SLC25A25: variants seen among roughly 807,000 people sequenced by gnomAD.
The protein encoded by SLC25A25 is solute carrier family 25 member 25.
SLC25A25 carries 32 observed loss-of-function variants against 57.7 expected under a neutral mutation model. That is an observed-to-expected ratio of 0.55 (90% CI 0.42 to 0.74). The LOEUF (loss-of-function observed/expected upper bound fraction) is 0.74, where lower values mean the gene tolerates loss of function less well. SLC25A25 is among the 30% of genes least tolerant of loss of function. SLC25A25 has a pLI of 0.00. For synonymous variants in SLC25A25, 306 were observed against 291.2 expected (o/e 1.05, Z -0.52); for missense variants, 556 against 701.3 (o/e 0.79, Z 2.34).
At chr9:128,071,175 A>C (rs1832900753) in intron 1 of SLC25A25, among the ~76,000 whole-genome samples, 1 of 152,022 alleles carries the variant, frequency 6.6e-6, no homozygotes. Flanking sequence ...TATTGATCCT[A>C]ATCTGTTTTT....
In SLC25A25 at chr9:128,102,681, C is replaced by T. The variant is rs998896987; in HGVS notation, c.624+200C>T. On this transcript the variant is annotated intron_variant, in intron 5 of 10. Coordinates refer to ENST00000373069, the MANE Select transcript of SLC25A25 (RefSeq NM_001330988.2). The surrounding 1 kb of genome is among the most constrained non-coding windows in gnomAD (Gnocchi z 4.1). Reference sequence around the variant, plus strand: ...GGCACTCCAGCCAACCTGAACAGCCCCATCGTTCACACACACAGGCTTCCT... The same window carrying T: ...GGCACTCCAGCCAACCTGAACAGCCTCATCGTTCACACACACAGGCTTCCT... Among the ~76,000 whole-genome samples, 2 of 152,192 alleles carry T rather than the reference C, an allele frequency of 1.3e-5. No homozygotes were observed. Among genetic ancestry groups the T allele is most frequent in the African/African-American group, 4.8e-5 (2 of 41,436 alleles).
rs753532882 is a variant in SLC25A25, at chr9:128,068,382, C to A, written c.63C>A (p.Ala21=). The A allele has an allele frequency of 1.3e-6, 2 of 1,553,192 alleles. No homozygotes were observed. Among genetic ancestry groups the A allele is most frequent in the South Asian group, 2.3e-5 (2 of 86,196 alleles). The change falls in exon 1 of 11, where the codon GCC becomes GCA. Residue 21 remains alanine, a synonymous_variant. Coordinates refer to ENST00000373069, the MANE Select transcript of SLC25A25 (RefSeq NM_001330988.2). ...CGCCGCCGGACGCCGCCGCCACCGC[C>A]GCCTCTTCGTCTGCCTCATCGCCGG... ...ASPPPDAAAT[A]ASSSASSPAS... is the part of the protein sequence containing the mutation.
chr9:128,105,604 T>C (rs1833991908), intron 6 of SLC25A25, 125 bp from the exon 7 acceptor site: 17 of 1,445,668 alleles, frequency 1.2e-5, no homozygotes, highest in Non-Finnish European at 1.5e-5. Context: ...CAAGCTTGTC[T>C]TCAAAATGCA....
chr9:128,098,480 G>A, intron 1 of SLC25A25: 25 of 1,534,674 alleles, frequency 1.6e-5, no homozygotes, highest in Non-Finnish European at 2.1e-5. Flanking sequence ...GGCCAGGCTT[G>A]TCTTATGCAA....
intron 1 of SLC25A25, among the ~76,000 whole-genome samples, chr9:128,100,194 C>T (rs1352899212): frequency 1.3e-5 from 2 of 148,360 alleles, no homozygotes; most frequent in African/African-American, 4.9e-5. Context: ...GAGCTGTTTG[C>T]GAGGGGGGTA....
intron 1 of SLC25A25, among the ~76,000 whole-genome samples, chr9:128,078,846 G>GCCGCCTTCCTTCTTC (rs1197344283): frequency 6.6e-6 from 1 of 152,176 alleles, no homozygotes; most frequent in East Asian, 1.9e-4. Flanking sequence ...TCAATGCAGT[G>GCCGCCTTCCTTCTTC]CCGCCTTCCT....
intron 1 of SLC25A25, among the ~76,000 whole-genome samples, chr9:128,070,312 A>G (rs1832877381): frequency 6.6e-6 from 1 of 151,098 alleles, no homozygotes; most frequent in Non-Finnish European, 1.5e-5. Flanking sequence ...GTTAGCCAGG[A>G]TGGTCTTGAT....
In SLC25A25 at chr9:128,107,611, T is replaced by A; in HGVS notation, c.*167T>A. The stretch of plus-strand genomic sequence containing the variant: ...TGGGGAGAGCTGGCAGGCCCAGGGC[T>A]TGTCCTGCTGACCCCAGCAGACCCT... On this transcript the variant is annotated 3_prime_UTR_variant, in exon 11 of 11. Transcript: ENST00000373069. 1 of 738,596 alleles carries A rather than the reference T, an allele frequency of 1.4e-6. No homozygotes were observed. Among genetic ancestry groups the A allele is most frequent in the Non-Finnish European group, 2.0e-6 (1 of 500,376 alleles). The allele number at this position is 738,596 out of a possible 1,614,324, so 45.8% of individuals were successfully genotyped here. A position where few individuals can be genotyped will look rare whatever the true frequency, so the allele number is the denominator to read the frequency against.
At chr9:128,105,331 C>A (rs560141513) in intron 6 of SLC25A25, among the ~76,000 whole-genome samples, 2 of 151,692 alleles carry the variant, frequency 1.3e-5, no homozygotes, top group South Asian at 2.1e-4. Flanking sequence ...CCACCACGCC[C>A]GGCTAACTTT....
At chr9:128,100,061 A>G (rs1833723814) in intron 1 of SLC25A25, among the ~76,000 whole-genome samples, 1 of 152,108 alleles carries the variant, frequency 6.6e-6, no homozygotes, top group African/African-American at 2.4e-5. Context: ...TGGGAGGACC[A>G]CGGCCCAACT....
intron 1 of SLC25A25, among the ~76,000 whole-genome samples, chr9:128,100,675 A>G (rs981272824): frequency 3.3e-5 from 5 of 152,194 alleles, no homozygotes; most frequent in African/African-American, 1.2e-4. Flanking sequence ...CCCAAGTCTC[A>G]GCAGGGAGCA....
intron 6 of SLC25A25, among the ~76,000 whole-genome samples, chr9:128,105,404 C>G (rs1833982018): frequency 6.6e-6 from 1 of 151,988 alleles, no homozygotes; most frequent in Admixed American, 6.6e-5. Flanking sequence ...CTCCTGAACT[C>G]AAGTGATCCA....
At chr9:128,092,036 G>GA in intron 1 of SLC25A25, 1 of 1,613,958 alleles carries the variant, frequency 6.2e-7, no homozygotes, top group African/African-American at 1.3e-5. Flanking sequence ...TGAGGCCACG[G>GA]AAAAAAGACC....
rs71381724 is a variant in SLC25A25, at chr9:128,070,084, A to AT, written c.261+1530dup. Among the ~76,000 whole-genome samples the AT allele has an allele frequency of 2.7e-3, 17 of 6,366 alleles. 5 individuals carry two copies. Among genetic ancestry groups the AT allele is most frequent in the Admixed American group, 6.0e-3 (2 of 334 alleles). The allele number at this position is 6,366 out of a possible 152,430, so 4.2% of individuals were successfully genotyped here. ...AGGCATGTGCCACCACACCCAGCTAATTTTTTTTTTTTTTTTTTTTTTTTT... is the reference window on the plus strand; with the variant it reads ...AGGCATGTGCCACCACACCCAGCTAATTTTTTTTTTTTTTTTTTTTTTTTTT... On this transcript the variant is annotated intron_variant, in intron 1 of 10. Coordinates refer to ENST00000373069, the MANE Select transcript of SLC25A25 (RefSeq NM_001330988.2).
intron 1 of SLC25A25, among the ~76,000 whole-genome samples, chr9:128,080,349 C>CAATA (rs1404276133): frequency 8.3e-5 from 9 of 108,648 alleles, no homozygotes; most frequent in African/African-American, 3.2e-4. Context: ...GACTCCATCC[C>CAATA]AAAAAAAAAA....
chr9:128,103,355 A>G lies in SLC25A25; in HGVS notation c.625-326A>G, dbSNP rs73612027. Among the ~76,000 whole-genome samples the G allele has an allele frequency of 1.4e-3, 219 of 152,328 alleles. No individual in the cohort carries two copies. Among genetic ancestry groups the G allele is most frequent in the African/African-American group, 4.9e-3 (204 of 41,574 alleles). On this transcript the variant is annotated intron_variant, in intron 5 of 10. Transcript: ENST00000373069. The surrounding 1 kb of genome is among the most constrained non-coding windows in gnomAD (Gnocchi z 6.7). The stretch of plus-strand genomic sequence containing the variant: ...TCCCTTCAGCGCAGCCAGCCTGGCA[A>G]TCTCACACAGGCCTGTGAGCTGTTC...
intron 1 of SLC25A25, 34 bp downstream of exon 1, chr9:128,068,614 G>A (rs370789774): frequency 7.1e-7 from 1 of 1,400,044 alleles, no homozygotes; most frequent in Non-Finnish European, 9.3e-7. Context: ...CTGGCGGGGA[G>A]GGAGCCCCTC....
intron 1 of SLC25A25, among the ~76,000 whole-genome samples, chr9:128,079,382 A>G (rs937204815): frequency 2.0e-5 from 3 of 150,758 alleles, no homozygotes; most frequent in South Asian, 2.1e-4. Flanking sequence ...GACTCTCAAA[A>G]ACCATTGATT....
Position 128,077,472 on chromosome 9 carries a change from G to C in SLC25A25, c.261+8892G>C, listed in dbSNP as rs1209524239. Among the ~76,000 whole-genome samples, 4 of 147,788 alleles carry C rather than the reference G, an allele frequency of 2.7e-5. No individual in the cohort carries two copies. In the East Asian group the frequency reaches 8.0e-4, roughly 30 times the overall value. ...GCGGAGCTTGCAGTGAGCCGAGATC[G>C]CGCCACTGCACTCCAGCCTGGGCGA... On this transcript the variant is annotated intron_variant, in intron 1 of 10. Coordinates refer to ENST00000373069, the MANE Select transcript of SLC25A25 (RefSeq NM_001330988.2).
Sources: gnomAD v4.1 joint callset for allele counts (sites outside exome capture counted in the v4.1 genomes callset) on GRCh38, gnomAD v4.1.1 for gene constraint, Gnocchi (gnomAD v3.1) non-coding constraint, MANE v1.5 for transcripts, NCBI Gene and HGNC (gene_info 2026-07-23, HGNC 2026-07-21) for gene names.